Variants in OPCML observed in about 807,000 individuals in gnomAD.
OPCML encodes the protein opioid binding protein/cell adhesion molecule like.
OPCML carries 13 observed loss-of-function variants against 37.8 expected under a neutral mutation model. The observed-to-expected ratio is 0.34, with a 90% CI of 0.22 to 0.55. OPCML has a LOEUF of 0.55. OPCML is among the 20% of genes least tolerant of loss of function. The pLI, the probability that OPCML is intolerant of heterozygous loss-of-function variation, is 0.91. For synonymous variants in OPCML, 176 were observed against 168.8 expected (o/e 1.04, Z -0.33); for missense variants, 341 against 435.6 (o/e 0.78, Z 1.93).
At chr11:133,053,471 G>A (rs1354980745) in intron 1 of OPCML, among the ~76,000 whole-genome samples, 8 of 152,034 alleles carry the variant, frequency 5.3e-5, no homozygotes, top group Non-Finnish European at 2.9e-5. Context: ...TTTACTTTCT[G>A]TCCCCTGGTT....
At chr11:132,540,962 C>A (rs73588933) in intron 3 of OPCML, among the ~76,000 whole-genome samples, 11,183 of 152,240 alleles carry the variant, frequency 0.073, 758 homozygotes, top group African/African-American at 0.18. Flanking sequence ...CTTTCCCCCC[C>A]GACTTGTAGG....
At chr11:132,769,791 A>G (rs1186138856) in intron 2 of OPCML, among the ~76,000 whole-genome samples, 1 of 152,162 alleles carries the variant, frequency 6.6e-6, no homozygotes, top group Non-Finnish European at 1.5e-5. Context: ...AGAGACAAAC[A>G]CAACTTACAT....
At chr11:133,459,233 A>C (rs1440489886) in intron 1 of OPCML, among the ~76,000 whole-genome samples, 1 of 152,104 alleles carries the variant, frequency 6.6e-6, no homozygotes, top group Non-Finnish European at 1.5e-5. Flanking sequence ...AATATACACA[A>C]AAGGAAATGA....
intron 2 of OPCML, among the ~76,000 whole-genome samples, chr11:132,779,566 G>A (rs984521005): frequency 4.0e-5 from 6 of 151,282 alleles, no homozygotes; most frequent in Non-Finnish European, 8.8e-5. Context: ...AGGGGGGCGT[G>A]GGGAGAGAGA....
At chr11:132,878,363 C>T (rs920771942) in intron 2 of OPCML, among the ~76,000 whole-genome samples, 1 of 152,086 alleles carries the variant, frequency 6.6e-6, no homozygotes, top group Non-Finnish European at 1.5e-5. Flanking sequence ...TGCAGATTGC[C>T]CTCCCTAATG....
chr11:133,032,779 G>A (rs1355595511), intron 1 of OPCML, among the ~76,000 whole-genome samples: 4 of 152,000 alleles, frequency 2.6e-5, no homozygotes, highest in African/African-American at 4.8e-5. Flanking sequence ...GCATTATTCC[G>A]ACCTGGAATT....
intron 1 of OPCML, among the ~76,000 whole-genome samples, chr11:133,294,815 C>CTTTTTTTTTTTTTTTTTT (rs59382534): frequency 5.3e-5 from 3 of 56,552 alleles, no homozygotes; most frequent in Non-Finnish European, 9.6e-5. Flanking sequence ...TTCTTTCTTT[C>CTTTTTTTTTTTTTTTTTT]TTTTTTTTTT....
intron 2 of OPCML, among the ~76,000 whole-genome samples, chr11:132,702,236 G>T (rs965657600): frequency 9.9e-5 from 15 of 152,138 alleles, no homozygotes; most frequent in Non-Finnish European, 1.6e-4. Context: ...GGCATTTATT[G>T]TAAGGCAGGT....
intron 1 of OPCML, among the ~76,000 whole-genome samples, chr11:132,971,196 T>C (rs1392073217): frequency 1.3e-5 from 2 of 152,180 alleles, no homozygotes; most frequent in Non-Finnish European, 2.9e-5. Context: ...ATGAAGGCCT[T>C]AATTCCTTGA....
At chr11:133,003,983 C>G (rs1171980195) in intron 1 of OPCML, 1 of 985,292 alleles carries the variant, frequency 1.0e-6, no homozygotes, top group African/African-American at 1.7e-5. Context: ...CTCGAGAAGT[C>G]CCTGCACCCC....
intron 3 of OPCML, among the ~76,000 whole-genome samples, chr11:132,611,536 T>A (rs1200263725): frequency 6.6e-6 from 1 of 152,226 alleles, no homozygotes; most frequent in Non-Finnish European, 1.5e-5. Context: ...AGATAGCCTT[T>A]AAGTTATTTG....
intron 1 of OPCML, among the ~76,000 whole-genome samples, chr11:133,481,448 T>A (rs557659545): frequency 5.1e-4 from 76 of 148,194 alleles, no homozygotes; most frequent in Admixed American, 2.1e-3. Flanking sequence ...GTTAAAAAAA[T>A]AAATAAATAA....
At chr11:132,722,773 C>A (rs892549216) in intron 2 of OPCML, among the ~76,000 whole-genome samples, 4 of 152,086 alleles carry the variant, frequency 2.6e-5, no homozygotes, top group African/African-American at 9.7e-5. Context: ...GAGGTCAGAT[C>A]CTAAGTGAGA....
At chr11:133,227,639 A>T (rs980169984) in intron 1 of OPCML, among the ~76,000 whole-genome samples, 2 of 151,056 alleles carry the variant, frequency 1.3e-5, no homozygotes, top group East Asian at 2.0e-4. Flanking sequence ...TCAAGGAAAG[A>T]AAAAAAAAGG....
intron 1 of OPCML, chr11:133,066,341 T>G (rs1360253157): frequency 2.0e-5 from 3 of 152,154 alleles, no homozygotes; most frequent in Non-Finnish European, 4.4e-5. Flanking sequence ...AAGACGCCTT[T>G]AAAAAAATGC....
At chr11:133,127,924 C>CG (rs746373049) in intron 1 of OPCML, among the ~76,000 whole-genome samples, 22 of 151,888 alleles carry the variant, frequency 1.4e-4, no homozygotes, top group Non-Finnish European at 2.9e-4. Flanking sequence ...CAGCAGAAGA[C>CG]GGGATGATTA....
intron 4 of OPCML, among the ~76,000 whole-genome samples, chr11:132,461,891 A>T (rs1464937248): frequency 6.6e-6 from 1 of 152,218 alleles, no homozygotes; most frequent in Non-Finnish European, 1.5e-5. Flanking sequence ...TCACGAGAAC[A>T]GCATGAGGGT....
intron 1 of OPCML, among the ~76,000 whole-genome samples, chr11:133,504,507 C>T (rs564779101): frequency 6.6e-6 from 1 of 152,282 alleles, no homozygotes; most frequent in African/African-American, 2.4e-5. Flanking sequence ...TACAGAAATG[C>T]CATCAGTAAA....
intron 2 of OPCML, among the ~76,000 whole-genome samples, chr11:132,812,484 A>G (rs1939403570): frequency 1.3e-5 from 2 of 151,510 alleles, no homozygotes; most frequent in South Asian, 4.1e-4. Flanking sequence ...AAGCACTGCA[A>G]AGAGGATATG....
Sources: allele counts gnomAD v4.1 joint callset (sites outside exome capture counted in the v4.1 genomes callset), GRCh38; gene constraint gnomAD v4.1.1; transcripts MANE v1.5; gene names NCBI Gene and HGNC (gene_info 2026-07-23, HGNC 2026-07-21).